Variants in ASIC2 observed in about 807,000 individuals in gnomAD.
ASIC2 encodes acid sensing ion channel subunit 2, also known as acid-sensing ion channel 2.
Under a neutral mutation model 57.3 loss-of-function variants are expected in ASIC2, and 25 were observed. The ratio of observed to expected loss-of-function variants is 0.44; its 90% CI spans 0.32 to 0.61. ASIC2 has a LOEUF of 0.61. ASIC2 is among the 20% of genes least tolerant of loss of function. The probability of loss-of-function intolerance (pLI) is 0.06; values close to 1 mark genes in which losing one functional copy is unlikely to be tolerated. For missense variants in ASIC2, 641 were observed against 738.1 expected (o/e 0.87, Z 1.52); for synonymous variants, 319 against 307.5 (o/e 1.04, Z -0.39).
At chr17:33,487,900 T>A (rs181186087) in intron 1 of ASIC2, among the ~76,000 whole-genome samples, 1 of 152,206 alleles carries the variant, frequency 6.6e-6, no homozygotes, top group East Asian at 1.9e-4. Flanking sequence ...GGCAAAAGAC[T>A]GAAGGATGCA....
At chr17:34,138,543 T>G (rs1319043295) in intron 1 of ASIC2, among the ~76,000 whole-genome samples, 1 of 152,188 alleles carries the variant, frequency 6.6e-6, no homozygotes, top group African/African-American at 2.4e-5. Context: ...ATCCTTACAC[T>G]GGACACTTTC....
chr17:33,327,093 C>T (rs1907110705), intron 1 of ASIC2, among the ~76,000 whole-genome samples: 1 of 152,150 alleles, frequency 6.6e-6, no homozygotes, highest in Non-Finnish European at 1.5e-5. Context: ...CAACAGGGAG[C>T]CTTCTCTTCA....
At chr17:34,146,317 G>A (rs1256847988) in intron 1 of ASIC2, among the ~76,000 whole-genome samples, 1 of 152,166 alleles carries the variant, frequency 6.6e-6, no homozygotes, top group Non-Finnish European at 1.5e-5. Context: ...AGGTCCACAT[G>A]CCTAGACTAT....
intron 3 of ASIC2, among the ~76,000 whole-genome samples, chr17:33,047,818 A>T (rs1310767186): frequency 2.6e-5 from 4 of 152,226 alleles, no homozygotes; most frequent in Admixed American, 2.6e-4. Flanking sequence ...AATTGGGCAG[A>T]TGCTGCCCTT....
intron 1 of ASIC2, among the ~76,000 whole-genome samples, chr17:33,715,594 T>A (rs1322554325): frequency 6.6e-6 from 1 of 152,196 alleles, no homozygotes; most frequent in Non-Finnish European, 1.5e-5. Context: ...CATCCTTAGA[T>A]CTGGAGCAAG....
At chr17:34,099,279 AAAAGAAAG>A (rs1910710254) in intron 1 of ASIC2, among the ~76,000 whole-genome samples, 1 of 135,882 alleles carries the variant, frequency 7.4e-6, no homozygotes, top group Non-Finnish European at 1.5e-5. Flanking sequence ...AAGAGGAAAG[AAAAGAAAG>A]GAAGGAAGAA....
At chr17:33,506,157 G>C (rs968776565) in intron 1 of ASIC2, among the ~76,000 whole-genome samples, 1 of 151,738 alleles carries the variant, frequency 6.6e-6, no homozygotes, top group African/African-American at 2.4e-5. Flanking sequence ...CACTTCGGGA[G>C]GCCGAGGCGG....
chr17:33,929,551 G>A (rs546202505), intron 1 of ASIC2, among the ~76,000 whole-genome samples: 6 of 152,304 alleles, frequency 3.9e-5, no homozygotes, highest in Admixed American at 1.3e-4. Context: ...TTACGCAAAC[G>A]CAACAACAAA....
intron 1 of ASIC2, among the ~76,000 whole-genome samples, chr17:33,811,321 G>A (rs1275187012): frequency 1.3e-5 from 2 of 152,180 alleles, no homozygotes; most frequent in African/African-American, 4.8e-5. Context: ...AGGCTCCCAC[G>A]GGAGAAGATC....
intron 1 of ASIC2, among the ~76,000 whole-genome samples, chr17:33,287,897 T>C (rs1905260547): frequency 1.3e-5 from 2 of 152,198 alleles, no homozygotes; most frequent in African/African-American, 2.4e-5. Flanking sequence ...AAGGAATAAA[T>C]GCCCAGAAGT....
chr17:33,108,619 C>T (rs1408251893), intron 2 of ASIC2, among the ~76,000 whole-genome samples: 1 of 152,348 alleles, frequency 6.6e-6, no homozygotes, highest in East Asian at 1.9e-4. Context: ...CCGCATGGGA[C>T]TCACCTCCCA....
chr17:33,052,175 T>C (rs2091979322), intron 3 of ASIC2: 1 of 152,240 alleles, frequency 6.6e-6, no homozygotes, highest in Non-Finnish European at 1.5e-5. Flanking sequence ...CCTTCAGTTG[T>C]TGAAAGCAAG....
At chr17:33,642,944 G>A (rs1906622733) in intron 1 of ASIC2, among the ~76,000 whole-genome samples, 1 of 152,150 alleles carries the variant, frequency 6.6e-6, no homozygotes, top group African/African-American at 2.4e-5. Flanking sequence ...AGTACTGCCT[G>A]TGGCTAAGCA....
chr17:33,114,058 C>T (rs183615191), intron 1 of ASIC2, among the ~76,000 whole-genome samples: 5 of 152,320 alleles, frequency 3.3e-5, no homozygotes, highest in Admixed American at 2.0e-4. Flanking sequence ...CTCTACTGCT[C>T]GCCTTGAAGA....
At chr17:33,510,063 G>A (rs1188470092) in intron 1 of ASIC2, among the ~76,000 whole-genome samples, 1 of 152,224 alleles carries the variant, frequency 6.6e-6, no homozygotes, top group East Asian at 1.9e-4. Flanking sequence ...ACAGAGCAGT[G>A]AAGTGAGCAT....
intron 1 of ASIC2, chr17:34,002,835 A>G (rs996232486): frequency 2.6e-5 from 4 of 152,182 alleles, no homozygotes; most frequent in Non-Finnish European, 5.9e-5. Flanking sequence ...CATACAATTT[A>G]TGATTTACAT....
At chr17:33,145,285 CCA>C (rs1186783324) in intron 1 of ASIC2, among the ~76,000 whole-genome samples, 2 of 152,234 alleles carry the variant, frequency 1.3e-5, no homozygotes, top group East Asian at 1.9e-4. Context: ...GTCCTAGACT[CCA>C]GTTTCTTTTG....
At chr17:33,496,603 G>GT (rs61267122) in intron 1 of ASIC2, among the ~76,000 whole-genome samples, 3,545 of 70,796 alleles carry the variant, frequency 0.05, 355 homozygotes, top group Non-Finnish European at 0.056. Context: ...GTTATTGTAG[G>GT]TTTTTTTTTT....
intron 1 of ASIC2, among the ~76,000 whole-genome samples, chr17:33,407,104 T>C (rs1373829461): frequency 6.6e-6 from 1 of 152,228 alleles, no homozygotes; most frequent in Non-Finnish European, 1.5e-5. Flanking sequence ...ATAATGTAGA[T>C]AATATTATCT....
Sources: gnomAD v4.1 joint callset for allele counts (sites outside exome capture counted in the v4.1 genomes callset) on GRCh38, gnomAD v4.1.1 for gene constraint, MANE v1.5 for transcripts, NCBI Gene and HGNC (gene_info 2026-07-23, HGNC 2026-07-21) for gene names.